Variants in SLC24A4 observed in about 807,000 individuals in gnomAD.
SLC24A4 encodes solute carrier family 24 member 4, also known as sodium/potassium/calcium exchanger 4.
SLC24A4 carries 53 observed loss-of-function variants against 79.0 expected under a neutral mutation model. That is an observed-to-expected ratio of 0.67 (90% CI 0.54 to 0.84). SLC24A4 has a LOEUF of 0.84. Among genes scored for constraint, SLC24A4 ranks in the 40% least tolerant of loss-of-function variants. The probability of loss-of-function intolerance (pLI) is 0.00; values close to 1 mark genes in which losing one functional copy is unlikely to be tolerated. For missense variants in SLC24A4, 731 were observed against 822.0 expected (o/e 0.89, Z 1.35); for synonymous variants, 323 against 323.8 (o/e 1.00, Z 0.03).
At chr14:92,429,422 A>G (rs1199396120) in intron 2 of SLC24A4, among the ~76,000 whole-genome samples, 1 of 152,220 alleles carries the variant, frequency 6.6e-6, no homozygotes, top group Non-Finnish European at 1.5e-5. Flanking sequence ...TTATATACAC[A>G]TACGTTCATT....
At chr14:92,327,363 T>C (rs1885206083) in intron 2 of SLC24A4, among the ~76,000 whole-genome samples, 1 of 152,136 alleles carries the variant, frequency 6.6e-6, no homozygotes, top group Non-Finnish European at 1.5e-5. Flanking sequence ...CATCCTGTCA[T>C]TCCCTCCCCC....
At chr14:92,379,292 G>T (rs35627364) in intron 2 of SLC24A4, among the ~76,000 whole-genome samples, 33,014 of 151,994 alleles carry the variant, frequency 0.22, 4,045 homozygotes, top group Non-Finnish European at 0.28. Flanking sequence ...AAAGGAAGGT[G>T]CTTTCTGCCC....
chr14:92,389,883 C>T (rs1033858771), intron 2 of SLC24A4, among the ~76,000 whole-genome samples: 25 of 152,212 alleles, frequency 1.6e-4, no homozygotes, highest in Non-Finnish European at 1.6e-4. Context: ...CACCCCTGGG[C>T]GCCTGCGTTC....
intron 2 of SLC24A4, among the ~76,000 whole-genome samples, chr14:92,367,845 G>A (rs1437620369): frequency 2.0e-5 from 3 of 152,240 alleles, no homozygotes; most frequent in Non-Finnish European, 4.4e-5. Flanking sequence ...GCAGAGAAAG[G>A]GAGAAGCCAG....
At chr14:92,418,081 A>G (rs1478811746) in intron 2 of SLC24A4, among the ~76,000 whole-genome samples, 2 of 152,186 alleles carry the variant, frequency 1.3e-5, no homozygotes, top group Admixed American at 1.3e-4. Flanking sequence ...TCCCAAATAT[A>G]ATGAATGGAC....
intron 12 of SLC24A4, among the ~76,000 whole-genome samples, chr14:92,476,118 C>T (rs1315776421): frequency 3.3e-5 from 5 of 152,154 alleles, no homozygotes; most frequent in Non-Finnish European, 5.9e-5. Context: ...TCTACTGTGG[C>T]GTTTGTATAT....
intron 4 of SLC24A4, among the ~76,000 whole-genome samples, chr14:92,440,129 C>T (rs1168911990): frequency 6.6e-6 from 1 of 152,184 alleles, no homozygotes; most frequent in Non-Finnish European, 1.5e-5. Context: ...GGTGCTTCCC[C>T]GTGACTTTCC....
chr14:92,373,592 C>T (rs545875266), intron 2 of SLC24A4, among the ~76,000 whole-genome samples: 17 of 152,268 alleles, frequency 1.1e-4, no homozygotes, highest in African/African-American at 3.4e-4. Context: ...TTTACACATC[C>T]GAACAACTCA....
intron 2 of SLC24A4, among the ~76,000 whole-genome samples, chr14:92,425,980 T>TTCAA (rs796432557): frequency 3.9e-5 from 6 of 151,918 alleles, no homozygotes; most frequent in Admixed American, 1.3e-4. Flanking sequence ...GAGACCCTGT[T>TTCAA]TCAATCAATC....
intron 2 of SLC24A4, among the ~76,000 whole-genome samples, chr14:92,326,471 C>T (rs1595118133): frequency 2.4e-5 from 3 of 125,662 alleles, no homozygotes; most frequent in African/African-American, 2.5e-5. Flanking sequence ...GGAGTCGGCA[C>T]GGTGTCATTC....
At chr14:92,455,788 C>T (rs1035561883) in intron 11 of SLC24A4, among the ~76,000 whole-genome samples, 10 of 152,054 alleles carry the variant, frequency 6.6e-5, no homozygotes, top group African/African-American at 2.4e-4. Flanking sequence ...GCAACCTCTG[C>T]CTCCCGGGTT....
chr14:92,386,629 C>T (rs1889172622), intron 2 of SLC24A4, among the ~76,000 whole-genome samples: 1 of 152,208 alleles, frequency 6.6e-6, no homozygotes, highest in African/African-American at 2.4e-5. Context: ...CTCATTCTCT[C>T]CTCTCACCCT....
chr14:92,491,547 A>C, intron 14 of SLC24A4, 118 bp from the exon 15 acceptor site: 2 of 709,274 alleles, frequency 2.8e-6, no homozygotes, highest in Non-Finnish European at 5.0e-6. Flanking sequence ...TAGAAATGTA[A>C]GGTCCTTGCA....
intron 12 of SLC24A4, among the ~76,000 whole-genome samples, chr14:92,472,165 C>G (rs1233824996): frequency 1.3e-5 from 2 of 152,198 alleles, no homozygotes; most frequent in African/African-American, 2.4e-5. Context: ...AGGCAACATT[C>G]CTCTCTGCCT....
chr14:92,442,840 G>T, intron 6 of SLC24A4, 24 bp downstream of exon 6: 1 of 1,580,578 alleles, frequency 6.3e-7, no homozygotes, highest in Middle Eastern at 1.7e-4. Context: ...CCCTGGGCCC[G>T]GCAGATGCAT....
Position 92,492,213 on chromosome 14 carries a change from C to G in SLC24A4, c.1689C>G (p.Val563=). 1 of 1,614,134 alleles carries G rather than the reference C, an allele frequency of 6.2e-7. No individual in the cohort carries two copies. Among genetic ancestry groups the G allele is most frequent in the Non-Finnish European group, 8.5e-7 (1 of 1,180,014 alleles). Residue 563 remains valine (V), a synonymous_variant, in exon 16 of 17, where the codon GTC becomes GTG. Transcript: ENST00000532405. The part of the protein sequence containing the change: ...INSRGLVYSV[V]LLLGSVALTV... ...GCCGGGGGCTGGTCTATTCCGTGGT[C>G]CTGTTGCTGGGCTCTGTCGCTCTCA...
rs115230680 is a variant in SLC24A4, at chr14:92,492,853, G to A, written c.1716+613G>A. ...GCTCCAGTGAGGTTCCTGGGATCCA[G>A]CCCCAGGAAGCCTTGATCGAGGGAC... is the stretch of plus-strand genomic sequence containing the variant. On this transcript the variant is annotated intron_variant, in intron 16 of 16. Transcript: ENST00000532405. 5.8e-3 allele frequency: 2,627 copies of A among 455,594 alleles called. 47 individuals carry two copies. Among genetic ancestry groups the A allele is most frequent in the African/African-American group, 0.048 (2,399 of 49,910 alleles). The allele number at this position is 455,594 out of a possible 1,614,324, so 28.2% of individuals were successfully genotyped here. A position where few individuals can be genotyped will look rare whatever the true frequency, so the allele number is the denominator to read the frequency against.
chr14:92,416,961 T>A (rs548378380), intron 2 of SLC24A4, among the ~76,000 whole-genome samples: 5 of 151,964 alleles, frequency 3.3e-5, no homozygotes, highest in African/African-American at 1.2e-4. Context: ...GAAAAAGAGG[T>A]CATATGTCCA....
At chr14:92,393,789 T>C (rs2141743826) in intron 2 of SLC24A4, among the ~76,000 whole-genome samples, 1 of 152,172 alleles carries the variant, frequency 6.6e-6, no homozygotes, top group South Asian at 2.1e-4. Flanking sequence ...GGTGGGCAGA[T>C]CACCTGAGGT....
Sources: allele counts gnomAD v4.1 joint callset (sites outside exome capture counted in the v4.1 genomes callset), GRCh38; gene constraint gnomAD v4.1.1; transcripts MANE v1.5; gene names NCBI Gene and HGNC (gene_info 2026-07-23, HGNC 2026-07-21).